INPP4B: variants seen among roughly 807,000 people sequenced by gnomAD.
The protein encoded by INPP4B is inositol polyphosphate-4-phosphatase type II B, also known as inositol polyphosphate 4-phosphatase type II.
A neutral mutation model predicts 122.5 loss-of-function variants in INPP4B; 55 were observed. That is an observed-to-expected ratio of 0.45 (90% CI 0.36 to 0.56). The LOEUF (loss-of-function observed/expected upper bound fraction) is 0.56, where lower values mean the gene tolerates loss of function less well. Ranked by LOEUF, INPP4B falls within the 20% of genes least tolerant of loss-of-function variation. INPP4B has a pLI of 0.00. For missense variants in INPP4B, 1,000 were observed against 1,097.7 expected, an observed-to-expected ratio of 0.91 and a Z score of 1.26; for synonymous variants, 403 against 388.7, an observed-to-expected ratio of 1.04 and a Z score of -0.43.
At chr4:142,566,579 G>T (rs2150142099) in intron 2 of INPP4B, among the ~76,000 whole-genome samples, 1 of 152,264 alleles carries the variant, frequency 6.6e-6, no homozygotes, top group Middle Eastern at 3.4e-3. Context: ...CAGCAGAAAA[G>T]GTGAGATTGC....
Position 142,208,900 on chromosome 4 carries a change from T to A in INPP4B, c.963A>T (p.Glu321Asp). Residue 321 changes from glutamate (E) to aspartate (D), a missense_variant, in exon 13 of 26, where the codon GAA becomes GAT. Coordinates refer to ENST00000262992, the MANE Select transcript of INPP4B (RefSeq NM_001101669.3). The stretch of plus-strand genomic sequence containing the variant: ...GTAGAGAAATTGCTTCCACACCTGT[T>A]TCCTTGCTAAGTTCTGTCAGAATGT... ...YQDILTELSK[E>D]TGSSFKSSSS... 5 of 1,563,564 alleles carry A rather than the reference T, an allele frequency of 3.2e-6. No homozygotes were observed. The highest frequency in any genetic ancestry group is 4.3e-6 in the Non-Finnish European group (5 of 1,152,056).
chr4:142,737,006 G>T (rs1211149529), intron 1 of INPP4B, among the ~76,000 whole-genome samples: 1 of 152,114 alleles, frequency 6.6e-6, no homozygotes, highest in Non-Finnish European at 1.5e-5. Context: ...TGGGTAGGAA[G>T]AATCAATATC....
chr4:142,634,912 C>T, intron 2 of INPP4B, among the ~76,000 whole-genome samples: 1 of 151,866 alleles, frequency 6.6e-6, no homozygotes, highest in Non-Finnish European at 1.5e-5. Context: ...TAACAACATT[C>T]AAAAGATTCT....
Position 142,827,823 on chromosome 4 carries a change from T to G in INPP4B, c.-254+18386A>C, listed in dbSNP as rs1436966199. ...ACATGTGAATTGGACAAGAACTATG[T>G]GCTAGATATTATGCTAAACACTAAG... On this transcript the variant is annotated intron_variant, in intron 1 of 25. Coordinates refer to ENST00000262992, the MANE Select transcript of INPP4B (RefSeq NM_001101669.3). Among the ~76,000 whole-genome samples the G allele has an allele frequency of 2.6e-5, 4 of 152,212 alleles. 1 individual carries two copies. The East Asian group carries it at 7.7e-4, about 29-fold the overall frequency.
chr4:142,708,985 G>A (rs1197374892), intron 2 of INPP4B, among the ~76,000 whole-genome samples: 2 of 152,040 alleles, frequency 1.3e-5, no homozygotes, highest in Non-Finnish European at 2.9e-5. Context: ...AGAACCACAG[G>A]GGCAGAGATG....
intron 1 of INPP4B, among the ~76,000 whole-genome samples, chr4:142,834,573 T>G (rs1421383661): frequency 6.6e-6 from 1 of 152,200 alleles, no homozygotes; most frequent in Non-Finnish European, 1.5e-5. Context: ...GAACTAAGAC[T>G]GTATTTTCCA....
At chr4:142,067,107 G>GC (rs1214469225) in intron 25 of INPP4B, among the ~76,000 whole-genome samples, 1 of 152,132 alleles carries the variant, frequency 6.6e-6, no homozygotes, top group Non-Finnish European at 1.5e-5. Context: ...ACAGCTGGGT[G>GC]CCCCTCTGAG....
At chr4:142,177,889 T>C (rs971578066) in intron 15 of INPP4B, among the ~76,000 whole-genome samples, 10 of 152,172 alleles carry the variant, frequency 6.6e-5, no homozygotes, top group Non-Finnish European at 4.4e-5. Flanking sequence ...CAGTCCCTTT[T>C]TCCTGGTCTT....
intron 7 of INPP4B, among the ~76,000 whole-genome samples, chr4:142,399,733 A>G (rs1018915828): frequency 6.6e-6 from 1 of 152,208 alleles, no homozygotes; most frequent in Non-Finnish European, 1.5e-5. Context: ...TAAAATTGCC[A>G]TCAGACAGTG....
chr4:142,089,196 A>C (rs1468903939), intron 23 of INPP4B, among the ~76,000 whole-genome samples: 1 of 152,146 alleles, frequency 6.6e-6, no homozygotes, highest in African/African-American at 2.4e-5. Flanking sequence ...AATGCGGGCA[A>C]CTGATGAGTT....
intron 2 of INPP4B, among the ~76,000 whole-genome samples, chr4:142,515,080 G>A (rs1825247522): frequency 6.6e-6 from 1 of 151,938 alleles, no homozygotes; most frequent in Admixed American, 6.6e-5. Context: ...ACAGGCATGA[G>A]CCACCATGCC....
intron 1 of INPP4B, among the ~76,000 whole-genome samples, chr4:142,738,362 A>G (rs568108268): frequency 1.6e-3 from 240 of 152,226 alleles, no homozygotes; most frequent in Non-Finnish European, 2.6e-3. Context: ...CAAAAGGACA[A>G]AAAACCAAAC....
chr4:142,676,449 C>G (rs764447841), intron 2 of INPP4B, among the ~76,000 whole-genome samples: 2 of 152,204 alleles, frequency 1.3e-5, no homozygotes, highest in Non-Finnish European at 2.9e-5. Flanking sequence ...CTATCCCCAA[C>G]AAGCTACCAT....
At chr4:142,296,007 G>T (rs1263616145) in intron 9 of INPP4B, among the ~76,000 whole-genome samples, 1 of 152,112 alleles carries the variant, frequency 6.6e-6, no homozygotes, top group African/African-American at 2.4e-5. Flanking sequence ...TATCTTCAAA[G>T]CTAAATTAGC....
At chr4:142,203,255 T>C (rs1841429550) in intron 14 of INPP4B, among the ~76,000 whole-genome samples, 1 of 152,130 alleles carries the variant, frequency 6.6e-6, no homozygotes, top group Admixed American at 6.6e-5. Context: ...ACATTAATAA[T>C]GCAGTTATAT....
intron 3 of INPP4B, among the ~76,000 whole-genome samples, chr4:142,453,007 A>C (rs1161930937): frequency 6.6e-6 from 1 of 152,186 alleles, no homozygotes; most frequent in African/African-American, 2.4e-5. Context: ...AATCTAAGTA[A>C]AGGAAAATAA....
intron 9 of INPP4B, among the ~76,000 whole-genome samples, chr4:142,286,034 A>C (rs1310265272): frequency 6.6e-6 from 1 of 152,218 alleles, no homozygotes; most frequent in Non-Finnish European, 1.5e-5. Flanking sequence ...CGATTTAAGC[A>C]GTCTATATAG....
chr4:142,747,314 C>T (rs192613828), intron 1 of INPP4B, among the ~76,000 whole-genome samples: 13 of 152,212 alleles, frequency 8.5e-5, no homozygotes, highest in Admixed American at 7.2e-4. Flanking sequence ...ATCAAAACCA[C>T]GATGACATAC....
chr4:142,563,709 T>G (rs1239679319), intron 2 of INPP4B, among the ~76,000 whole-genome samples: 2 of 152,180 alleles, frequency 1.3e-5, no homozygotes, highest in African/African-American at 4.8e-5. Context: ...GAAATGATAT[T>G]GTCTAGCTCT....
Sources: allele counts gnomAD v4.1 joint callset (sites outside exome capture counted in the v4.1 genomes callset), GRCh38; gene constraint gnomAD v4.1.1; transcripts MANE v1.5; gene names NCBI Gene and HGNC (gene_info 2026-07-23, HGNC 2026-07-21).